DNAJC5B: variants seen among roughly 807,000 people sequenced by gnomAD.
DNAJC5B encodes dnaJ homolog subfamily C member 5B.
Under a neutral mutation model 24.7 loss-of-function variants are expected in DNAJC5B, and 23 were observed. The ratio of observed to expected loss-of-function variants is 0.93; its 90% confidence interval spans 0.67 to 1.32. The LOEUF is 1.32. Ranked by LOEUF, DNAJC5B falls within the 40% of genes most tolerant of loss-of-function variation. The pLI is 0.00. For synonymous variants in DNAJC5B, 101 were observed against 90.1 expected (o/e 1.12, Z -0.68); for missense variants, 238 against 240.8 (o/e 0.99, Z 0.08).
In DNAJC5B at chr8:66,051,652, T is replaced by A. The variant is rs1471909722; in HGVS notation, c.105T>A (p.Ile35=). The A allele has an allele frequency of 6.2e-7, 1 of 1,610,756 alleles. No individual in the cohort carries two copies. Among genetic ancestry groups the A allele is most frequent in the Non-Finnish European group, 8.5e-7 (1 of 1,178,418 alleles). The change falls in exon 3 of 6, where the codon ATT becomes ATA. Residue 35 remains isoleucine, a synonymous_variant. Transcript: ENST00000276570. ...GLHKGASNEE[I]KKTYRKLALK... ...ATAAGGGAGCATCAAATGAAGAAAT[T>A]AAGAAAACCTACAGGTACGGATTTC... is the stretch of plus-strand genomic sequence containing the variant.
chr8:66,051,439 T>C (rs1229105474), intron 2 of DNAJC5B, 92 bp from the exon 3 acceptor site: 2 of 762,290 alleles, frequency 2.6e-6, no homozygotes, highest in African/African-American at 1.7e-5. Context: ...CTTCAAATTG[T>C]CATTTTACAA....
chr8:66,065,330 T>C (rs1807167746), intron 3 of DNAJC5B, among the ~76,000 whole-genome samples: 1 of 152,246 alleles, frequency 6.6e-6, no homozygotes, highest in South Asian at 2.1e-4. Flanking sequence ...CATAGGATTG[T>C]GTAATGTGGC....
intron 3 of DNAJC5B, among the ~76,000 whole-genome samples, chr8:66,058,961 C>T (rs1350217988): frequency 6.6e-6 from 1 of 152,140 alleles, no homozygotes; most frequent in Non-Finnish European, 1.5e-5. Flanking sequence ...TCAGGTACTA[C>T]TGTGGATGAA....
chr8:66,043,103 T>C (rs1452468282), intron 1 of DNAJC5B, among the ~76,000 whole-genome samples: 4 of 152,228 alleles, frequency 2.6e-5, no homozygotes, highest in East Asian at 1.9e-4. Context: ...TGTGACTCAA[T>C]GCCTCTTAAC....
chr8:66,100,796 GA>G lies in DNAJC5B; in HGVS notation c.*773del, dbSNP rs201346470. Among the ~76,000 whole-genome samples the G allele has an allele frequency of 6.3e-3, 957 of 151,514 alleles. 12 individuals carry two copies. Among genetic ancestry groups the G allele is most frequent in the African/African-American group, 0.022 (911 of 41,318 alleles). On this transcript the variant is annotated 3_prime_UTR_variant, in exon 6 of 6. Coordinates refer to ENST00000276570, the MANE Select transcript of DNAJC5B (RefSeq NM_033105.6). The stretch of plus-strand genomic sequence containing the variant: ...CTGGCTCAGATTAGCCAGACTAAGG[GA>G]AAAAAAACAGATGAAGGGGTAGAAC...
intron 3 of DNAJC5B, among the ~76,000 whole-genome samples, chr8:66,069,051 A>G (rs1807287839): frequency 6.6e-6 from 1 of 152,090 alleles, no homozygotes; most frequent in Admixed American, 6.6e-5. Flanking sequence ...ATTAATCCCC[A>G]GTGGATTTGA....
At chr8:66,035,492 A>G (rs1422071956) in intron 1 of DNAJC5B, among the ~76,000 whole-genome samples, 1 of 152,232 alleles carries the variant, frequency 6.6e-6, no homozygotes, top group African/African-American at 2.4e-5. Flanking sequence ...AGATACACAC[A>G]GAGTGGGGAA....
chr8:66,080,316 T>C lies in DNAJC5B; in HGVS notation c.334-61T>C, dbSNP rs925473202. The C allele has an allele frequency of 3.2e-6, 5 of 1,565,690 alleles. No individual in the cohort carries two copies. The African/African-American group carries it at 5.4e-5, about 17-fold the overall frequency. ...GTACCTGGGTACAGACTTGATTTCA[T>C]GGGTTCTCCCCTCACCCCATCACCC... On this transcript the variant is annotated intron_variant, in intron 4 of 5. Transcript: ENST00000276570.
At chr8:66,085,328 G>A (rs868594653) in intron 5 of DNAJC5B, among the ~76,000 whole-genome samples, 1 of 152,006 alleles carries the variant, frequency 6.6e-6, no homozygotes, top group South Asian at 2.1e-4. Flanking sequence ...TAATCCCAGC[G>A]ACTCAGGAGG....
chr8:66,035,707 G>T (rs1201912852), intron 1 of DNAJC5B, among the ~76,000 whole-genome samples: 4 of 152,200 alleles, frequency 2.6e-5, no homozygotes, highest in Non-Finnish European at 4.4e-5. Flanking sequence ...TGTAAGATGA[G>T]ACATTCCTGT....
chr8:66,062,967 A>T lies in DNAJC5B; in HGVS notation c.119+11301A>T, dbSNP rs532278495. Among the ~76,000 whole-genome samples, 984 of 152,322 alleles carry T rather than the reference A, an allele frequency of 6.5e-3. 10 individuals are homozygous for T. Among genetic ancestry groups the T allele is most frequent in the African/African-American group, 0.023 (944 of 41,550 alleles). The stretch of plus-strand genomic sequence containing the variant: ...TGAGGCTGCAGTAGGCCATGATTGC[A>T]CCACTGCACTCCAGCCTACGTGGCA... On this transcript the variant is annotated intron_variant, in intron 3 of 5. Coordinates refer to ENST00000276570, the MANE Select transcript of DNAJC5B (RefSeq NM_033105.6).
rs1312318195 is a variant in DNAJC5B, at chr8:66,040,105, C to T, written c.-141-3383C>T. On this transcript the variant is annotated intron_variant, in intron 1 of 5. Coordinates refer to ENST00000276570, the MANE Select transcript of DNAJC5B (RefSeq NM_033105.6). Reference sequence around the variant, plus strand: ...GGAGACATAGGCTTCAAGAAAGTGACTTGCGGCCACACACAGTGGCTCACA... The same window carrying T: ...GGAGACATAGGCTTCAAGAAAGTGATTTGCGGCCACACACAGTGGCTCACA... 3.3e-5 allele frequency among the ~76,000 whole-genome samples: 5 copies of T among 152,122 alleles called. No homozygotes were observed. In the East Asian group the frequency reaches 9.6e-4, roughly 29 times the overall value.
intron 3 of DNAJC5B, among the ~76,000 whole-genome samples, chr8:66,053,446 T>C (rs900935766): frequency 6.6e-6 from 1 of 152,164 alleles, no homozygotes; most frequent in African/African-American, 2.4e-5. Flanking sequence ...AAATGTTGAG[T>C]ACAAAATTAA....
intron 3 of DNAJC5B, among the ~76,000 whole-genome samples, chr8:66,053,682 T>A (rs540461695): frequency 4.6e-5 from 7 of 151,244 alleles, no homozygotes; most frequent in Non-Finnish European, 7.4e-5. Context: ...CAGACTGGAG[T>A]GCAATGGCGC....
rs189452644 is a variant in DNAJC5B, at chr8:66,065,971, C to T, written c.120-10689C>T. Among the ~76,000 whole-genome samples, 732 of 152,206 alleles carry T rather than the reference C, an allele frequency of 4.8e-3. 5 individuals carry two copies. The highest frequency in any genetic ancestry group is 0.017 in the African/African-American group (709 of 41,514). On this transcript the variant is annotated intron_variant, in intron 3 of 5. Transcript: ENST00000276570. ...CCACAAAGCTCCATCTTATCAAAAG[C>T]CAGCAGAAGTGGAGTGAGGTTTTGC...
rs755413396 is a variant in DNAJC5B, at chr8:66,076,641, T to C, written c.120-19T>C. On this transcript the variant is annotated intron_variant, in intron 3 of 5. Transcript: ENST00000276570. ...TTGTCAAATAACACACTCTCCTTGT[T>C]TTTCTTTTATTTTAAAAGAAAATTG... The C allele has an allele frequency of 3.7e-6, 6 of 1,613,178 alleles. No homozygotes were observed. The highest frequency in any genetic ancestry group is 4.5e-5 in the East Asian group (2 of 44,902).
rs769598437 is a variant in DNAJC5B, at chr8:66,051,582, C to T, written c.35C>T (p.Thr12Ile). The change falls in exon 3 of 6, where the codon ACT becomes ATT. Residue 12 changes from threonine to isoleucine, a missense_variant. Physicochemically the swap from Thr to Ile is moderately conservative, Grantham distance 89 (BLOSUM62 -1). Transcript: ENST00000276570. ...ACNIPNQRQR[T>I]LSTTGEALYE... ...AACATACCTAACCAAAGACAGCGGACTCTGTCAACAACAGGAGAAGCTCTA... is the reference window on the plus strand; with the variant it reads ...AACATACCTAACCAAAGACAGCGGATTCTGTCAACAACAGGAGAAGCTCTA... 5.0e-6 allele frequency: 8 copies of T among 1,614,036 alleles called. No homozygotes were observed. Among genetic ancestry groups the T allele is most frequent in the Middle Eastern group, 1.6e-4 (1 of 6,062 alleles).
chr8:66,022,663 C>T (rs762792509), intron 1 of DNAJC5B, among the ~76,000 whole-genome samples: 3 of 152,274 alleles, frequency 2.0e-5, no homozygotes, highest in Non-Finnish European at 2.9e-5. Flanking sequence ...CAACACATCA[C>T]GAATAAATAT....
intron 3 of DNAJC5B, among the ~76,000 whole-genome samples, chr8:66,075,487 T>G (rs1807442110): frequency 6.6e-6 from 1 of 152,162 alleles, no homozygotes; most frequent in Non-Finnish European, 1.5e-5. Context: ...AAAAGGCATT[T>G]TATGCTATTA....
Sources: gnomAD v4.1 joint callset for allele counts (sites outside exome capture counted in the v4.1 genomes callset) on GRCh38, gnomAD v4.1.1 for gene constraint, MANE v1.5 for transcripts, NCBI Gene and HGNC (gene_info 2026-07-23, HGNC 2026-07-21) for gene names.